The following CHL1 variants were observed in gnomAD, a reference collection of about 807,000 sequenced individuals.
The protein encoded by CHL1 is neural cell adhesion molecule L1-like protein.
Under a neutral mutation model 141.9 loss-of-function variants are expected in CHL1, and 96 were observed. The observed-to-expected ratio is 0.68, with a 90% confidence interval of 0.57 to 0.80. CHL1 has a LOEUF of 0.80. CHL1 is among the 30% of genes least tolerant of loss of function. The pLI, the probability that CHL1 is intolerant of heterozygous loss-of-function variation, is 0.00. For missense variants in CHL1, 1,820 were observed against 1,457.2 expected, an observed-to-expected ratio of 1.25 and a Z score of -4.05; for synonymous variants, 613 against 502.2, an observed-to-expected ratio of 1.22 and a Z score of -2.95.
chr3:268,207 G>T (rs955742254), intron 2 of CHL1, among the ~76,000 whole-genome samples: 19 of 152,270 alleles, frequency 1.2e-4, no homozygotes, highest in African/African-American at 4.6e-4. Flanking sequence ...AAGTGTTTTA[G>T]ATATTATGGC....
chr3:339,744 T>C (rs1439465694), intron 5 of CHL1, among the ~76,000 whole-genome samples: 1 of 152,166 alleles, frequency 6.6e-6, no homozygotes, highest in Non-Finnish European at 1.5e-5. Flanking sequence ...ATAGGACAAA[T>C]ATATAGGAAG....
intron 1 of CHL1, among the ~76,000 whole-genome samples, chr3:218,481 C>G (rs1217033873): frequency 3.3e-5 from 5 of 152,116 alleles, no homozygotes; most frequent in Non-Finnish European, 7.3e-5. Flanking sequence ...TACCCACATC[C>G]TCTTTTCCAA....
intron 4 of CHL1, among the ~76,000 whole-genome samples, chr3:327,015 C>A (rs1463866874): frequency 1.3e-5 from 2 of 151,700 alleles, no homozygotes; most frequent in Non-Finnish European, 2.9e-5. Flanking sequence ...TTTATTCAAT[C>A]AATATGGATA....
intron 1 of CHL1, among the ~76,000 whole-genome samples, chr3:230,420 T>C (rs1701759648): frequency 6.6e-6 from 1 of 152,134 alleles, no homozygotes; most frequent in Non-Finnish European, 1.5e-5. Flanking sequence ...TTGAAAAAAA[T>C]ATGATTTTCT....
At chr3:383,095 T>A (rs1707260834) in intron 18 of CHL1, among the ~76,000 whole-genome samples, 2 of 152,318 alleles carry the variant, frequency 1.3e-5, no homozygotes, top group South Asian at 4.1e-4. Flanking sequence ...ACTGCTAAAA[T>A]TTGTATTACT....
intron 1 of CHL1, among the ~76,000 whole-genome samples, chr3:243,681 A>G (rs190740677): frequency 6.6e-6 from 1 of 152,320 alleles, no homozygotes; most frequent in African/African-American, 2.4e-5. Context: ...AGATTGTCAA[A>G]TAATACACAG....
chr3:360,391 A>C lies in CHL1; in HGVS notation c.1273A>C (p.Thr425Pro). ...YQCEASNVHG[T>P]ILANANIDVV... The stretch of plus-strand genomic sequence containing the variant: ...GTGTGAAGCCTCAAATGTCCATGGA[A>C]CTATCCTTGCCAATGCCAATATTGA... Residue 425 changes from threonine (T) to proline (P), a missense_variant, in exon 12 of 28, where the codon ACT (threonine) becomes CCT (proline). Physicochemically the swap from Thr to Pro is conservative, Grantham distance 38. Coordinates refer to ENST00000256509, the MANE Select transcript of CHL1 (RefSeq NM_006614.4). 4 of 1,613,820 alleles carry C rather than the reference A, an allele frequency of 2.5e-6. No homozygotes were observed. The highest frequency in any genetic ancestry group is 3.4e-6 in the Non-Finnish European group (4 of 1,179,802).
At chr3:380,998 C>T (rs1414099322) in intron 16 of CHL1, among the ~76,000 whole-genome samples, 1 of 152,122 alleles carries the variant, frequency 6.6e-6, no homozygotes, top group Non-Finnish European at 1.5e-5. Flanking sequence ...ATTTGAGATA[C>T]ATCATGTTTC....
At chr3:231,763 G>T (rs1701886116) in intron 1 of CHL1, among the ~76,000 whole-genome samples, 1 of 151,798 alleles carries the variant, frequency 6.6e-6, no homozygotes, top group Non-Finnish European at 1.5e-5. Flanking sequence ...TTTTAGTAGA[G>T]ACGGGGTTTC....
At chr3:318,422 A>G (rs1700302431) in intron 2 of CHL1, among the ~76,000 whole-genome samples, 1 of 151,858 alleles carries the variant, frequency 6.6e-6, no homozygotes, top group African/African-American at 2.4e-5. Context: ...AAAATTACAT[A>G]CCTGAAAGAC....
intron 2 of CHL1, among the ~76,000 whole-genome samples, chr3:264,161 A>G (rs1015104809): frequency 1.3e-5 from 2 of 152,348 alleles, no homozygotes; most frequent in East Asian, 3.9e-4. Context: ...TATGTACTCT[A>G]TTCAAATAAC....
intron 1 of CHL1, among the ~76,000 whole-genome samples, chr3:212,380 TTACAC>T (rs1364778302): frequency 6.6e-6 from 1 of 152,140 alleles, no homozygotes; most frequent in East Asian, 1.9e-4. Context: ...TTGTCTGCTT[TTACAC>T]TACCATAAAG....
intron 19 of CHL1, among the ~76,000 whole-genome samples, chr3:386,074 C>T (rs987614392): frequency 5.9e-5 from 9 of 151,748 alleles, no homozygotes; most frequent in South Asian, 4.2e-4. Flanking sequence ...GATCATCCTG[C>T]GGAAAGGAGT....
chr3:386,701 G>A (rs563497444), intron 19 of CHL1, among the ~76,000 whole-genome samples: 4 of 152,006 alleles, frequency 2.6e-5, no homozygotes, highest in Non-Finnish European at 2.9e-5. Flanking sequence ...TAATTACCTG[G>A]TTATATAATC....
intron 1 of CHL1, among the ~76,000 whole-genome samples, chr3:227,653 T>C (rs1411587504): frequency 6.6e-6 from 1 of 152,224 alleles, no homozygotes; most frequent in Non-Finnish European, 1.5e-5. Context: ...AGATGAAATG[T>C]CAGCTTTCTT....
intron 5 of CHL1, among the ~76,000 whole-genome samples, chr3:335,657 T>C (rs900794586): frequency 6.6e-6 from 1 of 152,180 alleles, no homozygotes; most frequent in African/African-American, 2.4e-5. Flanking sequence ...TATAGGAAGA[T>C]TCGTCCAATG....
intron 2 of CHL1, among the ~76,000 whole-genome samples, chr3:309,572 G>C (rs1310217532): frequency 6.6e-6 from 1 of 150,788 alleles, no homozygotes; most frequent in African/African-American, 2.4e-5. Context: ...TGCCCAGGCA[G>C]AATCATAGCT....
chr3:349,579 CA>C (rs371711402), intron 10 of CHL1, 36 bp downstream of exon 10: 1 of 1,556,596 alleles, frequency 6.4e-7, no homozygotes, highest in African/African-American at 1.4e-5. Flanking sequence ...CTCTGCTTTT[CA>C]AAAAAGTAAC....
At chr3:202,261 A>T (rs1575591316) in intron 1 of CHL1, among the ~76,000 whole-genome samples, 4 of 152,290 alleles carry the variant, frequency 2.6e-5, no homozygotes, top group South Asian at 2.1e-4. Flanking sequence ...AGTGATAATT[A>T]TCCTTCTATA....
Sources: gnomAD v4.1 joint callset for allele counts (sites outside exome capture counted in the v4.1 genomes callset) on GRCh38, gnomAD v4.1.1 for gene constraint, MANE v1.5 for transcripts, NCBI Gene and HGNC (gene_info 2026-07-23, HGNC 2026-07-21) for gene names.